Variants in LOC128462377 observed in about 807,000 individuals in gnomAD.
the LOC128462377 span, among the ~76,000 whole-genome samples, chr16:89,399,234 A>G: frequency 6.6e-6 from 1 of 152,182 alleles, no homozygotes; most frequent in South Asian, 2.1e-4. Context: ...GGCTTTGTTT[A>G]TTCTTCATTT....
the LOC128462377 span, among the ~76,000 whole-genome samples, chr16:89,338,495 C>T: frequency 9.3e-5 from 14 of 150,870 alleles, no homozygotes; most frequent in African/African-American, 1.5e-4. Context: ...TTTGGGAGGC[C>T]GAGGCGGGCA....
At chr16:89,356,058 G>A in the LOC128462377 span, among the ~76,000 whole-genome samples, 1 of 152,200 alleles carries the variant, frequency 6.6e-6, no homozygotes, top group Non-Finnish European at 1.5e-5. Context: ...TCCAGCCTGG[G>A]CACTGGAGTG....
At chr16:89,345,699 C>G in the LOC128462377 span, among the ~76,000 whole-genome samples, 1 of 152,284 alleles carries the variant, frequency 6.6e-6, no homozygotes, top group South Asian at 2.1e-4. Flanking sequence ...TGGCTCAGCA[C>G]GAGCTGAGTG....
the LOC128462377 span, among the ~76,000 whole-genome samples, chr16:89,413,877 G>A: frequency 6.6e-6 from 1 of 152,146 alleles, no homozygotes; most frequent in Non-Finnish European, 1.5e-5. Flanking sequence ...GCCAGACTGG[G>A]GGGAGGCAGG....
chr16:89,382,252 G>C, the LOC128462377 span, among the ~76,000 whole-genome samples: 1 of 152,014 alleles, frequency 6.6e-6, no homozygotes, highest in Non-Finnish European at 1.5e-5. Context: ...AAAGTTAAAA[G>C]GTGTCTAGAA....
At chr16:89,358,301 G>A in the LOC128462377 span, among the ~76,000 whole-genome samples, 3 of 152,222 alleles carry the variant, frequency 2.0e-5, no homozygotes, top group African/African-American at 7.2e-5. Flanking sequence ...CTTCCCTTCT[G>A]TTGGCCACAT....
At chr16:89,363,980 A>T in the LOC128462377 span, among the ~76,000 whole-genome samples, 1 of 152,124 alleles carries the variant, frequency 6.6e-6, no homozygotes, top group Non-Finnish European at 1.5e-5. Flanking sequence ...GGACAGCTTG[A>T]GCCCGGGAGT....
the LOC128462377 span, among the ~76,000 whole-genome samples, chr16:89,376,570 T>A: frequency 6.6e-6 from 1 of 152,196 alleles, no homozygotes; most frequent in Non-Finnish European, 1.5e-5. Flanking sequence ...CCCAAGTAGC[T>A]GGGACCACAG....
At chr16:89,352,063 T>C in the LOC128462377 span, among the ~76,000 whole-genome samples, 1 of 152,088 alleles carries the variant, frequency 6.6e-6, no homozygotes, top group Non-Finnish European at 1.5e-5. Flanking sequence ...CAGGCCCAGG[T>C]AATTTGTGTA....
At chr16:89,344,525 C>T in the LOC128462377 span, among the ~76,000 whole-genome samples, 4 of 152,186 alleles carry the variant, frequency 2.6e-5, no homozygotes, top group East Asian at 7.7e-4. Context: ...TCCCATCTGC[C>T]AAAATGACCC....
chr16:89,331,007 GCAATGGTGC>G, the LOC128462377 span, among the ~76,000 whole-genome samples: 1 of 152,246 alleles, frequency 6.6e-6, no homozygotes, highest in Admixed American at 6.5e-5. Flanking sequence ...AGGCTGGAGT[GCAATGGTGC>G]CATCTCGGCT....
chr16:89,384,879 C>CTTTCTTTTTTTTTT, the LOC128462377 span, among the ~76,000 whole-genome samples: 1 of 49,910 alleles, frequency 2.0e-5, no homozygotes, highest in Admixed American at 3.6e-4. Context: ...AAATAGTTTT[C>CTTTCTTTTTTTTTT]TTTTTTTTTT....
chr16:89,398,529 C>T, the LOC128462377 span, among the ~76,000 whole-genome samples: 5 of 152,142 alleles, frequency 3.3e-5, no homozygotes, highest in Admixed American at 6.5e-5. Context: ...CCAGCCTGGG[C>T]AACACAGGGA....
the LOC128462377 span, among the ~76,000 whole-genome samples, chr16:89,362,555 T>G: frequency 6.6e-6 from 1 of 152,362 alleles, no homozygotes; most frequent in South Asian, 2.1e-4. Context: ...GTGTAAAAAG[T>G]AGAAGTTCCT....
the LOC128462377 span, among the ~76,000 whole-genome samples, chr16:89,367,693 A>T: frequency 1.3e-5 from 2 of 152,306 alleles, no homozygotes; most frequent in African/African-American, 4.8e-5. Flanking sequence ...CAACAGCTGC[A>T]GGTTTTTTGC....
chr16:89,382,153 C>G, the LOC128462377 span, among the ~76,000 whole-genome samples: 1 of 152,102 alleles, frequency 6.6e-6, no homozygotes, highest in Non-Finnish European at 1.5e-5. Flanking sequence ...GACAGAGAGT[C>G]TGCTCCCACC....
At chr16:89,350,258 G>C in the LOC128462377 span, among the ~76,000 whole-genome samples, 3 of 152,298 alleles carry the variant, frequency 2.0e-5, no homozygotes, top group Admixed American at 2.0e-4. Context: ...GGTCACTTTG[G>C]AAAAGAGTCT....
At chr16:89,345,585 A>C in the LOC128462377 span, among the ~76,000 whole-genome samples, 1 of 152,272 alleles carries the variant, frequency 6.6e-6, no homozygotes, top group Non-Finnish European at 1.5e-5. Flanking sequence ...AACCAGTCTC[A>C]GGCATTTTGT....
At chr16:89,347,528 G>A in the LOC128462377 span, among the ~76,000 whole-genome samples, 3 of 150,756 alleles carry the variant, frequency 2.0e-5, no homozygotes, top group African/African-American at 2.4e-5. Flanking sequence ...GGAGAATGGC[G>A]TGAACCTGGG....
Sources: allele counts gnomAD v4.1 joint callset (sites outside exome capture counted in the v4.1 genomes callset), GRCh38; gene constraint gnomAD v4.1.1; transcripts MANE v1.5.